Variants in NEDD9 observed in about 807,000 individuals in gnomAD.
NEDD9 encodes enhancer of filamentation 1.
NEDD9 carries 26 observed loss-of-function variants against 76.6 expected under a neutral mutation model. The observed-to-expected ratio is 0.34, with a 90% CI of 0.25 to 0.47. The LOEUF is 0.47. NEDD9 is among the 20% of genes least tolerant of loss of function. The pLI is 1.00. For synonymous variants in NEDD9, 392 were observed against 414.2 expected (o/e 0.95, Z 0.65); for missense variants, 937 against 1,058.5 (o/e 0.89, Z 1.59).
chr6:11,188,153 C>A, intron 6 of NEDD9, 65 bp downstream of exon 6: 1 of 1,208,778 alleles, frequency 8.3e-7, no homozygotes, highest in South Asian at 1.2e-5. Flanking sequence ...GAAGTGATAC[C>A]TTTCCTTAGT....
At chr6:11,289,610 G>A (rs1436605505) in intron 3 of NEDD9, among the ~76,000 whole-genome samples, 1 of 152,058 alleles carries the variant, frequency 6.6e-6, no homozygotes, top group Non-Finnish European at 1.5e-5. Flanking sequence ...CTGCCACCAC[G>A]CCTGGCTAAT....
chr6:11,274,494 G>A lies in NEDD9; in HGVS notation c.12+31498C>T, dbSNP rs148956839. On this transcript the variant is annotated intron_variant, in intron 3 of 3. Coordinates refer to the NEDD9 transcript ENST00000397378. Reference sequence around the variant, plus strand: ...CTAGGTCTATCCTTGCTCTCTGGGAGTATTAATGCTTTCCTTATTTCCCAC... The same window carrying A: ...CTAGGTCTATCCTTGCTCTCTGGGAATATTAATGCTTTCCTTATTTCCCAC... Among the ~76,000 whole-genome samples, 9 of 152,274 alleles carry A rather than the reference G, an allele frequency of 5.9e-5. No homozygotes were observed. In the East Asian group the frequency reaches 1.7e-3, roughly 29 times the overall value.
chr6:11,250,148 G>C (rs1352657839), intron 3 of NEDD9, among the ~76,000 whole-genome samples: 1 of 152,236 alleles, frequency 6.6e-6, no homozygotes, highest in African/African-American at 2.4e-5. Context: ...GAGGGAGAGA[G>C]ACGTTGAGAC....
chr6:11,297,301 G>T (rs1349356233), intron 3 of NEDD9, among the ~76,000 whole-genome samples: 1 of 152,152 alleles, frequency 6.6e-6, no homozygotes, highest in Non-Finnish European at 1.5e-5. Context: ...TGCAGCCAGG[G>T]ACAGCTCTCC....
In NEDD9 at chr6:11,340,910, T is replaced by C. The variant is rs563034164; in HGVS notation, c.-213-6349A>G. Among the ~76,000 whole-genome samples the C allele has an allele frequency of 2.6e-5, 4 of 152,274 alleles. No homozygotes were observed. In the South Asian group the frequency reaches 8.3e-4, roughly 32 times the overall value. The stretch of plus-strand genomic sequence containing the variant: ...GGCCTATGAAGCCAAACAGTGTCTT[T>C]CCCACCACCATGCCTCTCTGACCTA... On this transcript the variant is annotated intron_variant, in intron 1 of 3. Coordinates refer to the NEDD9 transcript ENST00000397378.
chr6:11,350,394 T>G (rs953195649), intron 1 of NEDD9, among the ~76,000 whole-genome samples: 1 of 152,214 alleles, frequency 6.6e-6, no homozygotes, highest in Non-Finnish European at 1.5e-5. Context: ...CAGGCCACCA[T>G]CACCATTACA....
At chr6:11,357,823 T>G (rs2113546878) in intron 1 of NEDD9, among the ~76,000 whole-genome samples, 1 of 152,294 alleles carries the variant, frequency 6.6e-6, no homozygotes, top group South Asian at 2.1e-4. Flanking sequence ...AGTAATCTTT[T>G]CTACGTCAGT....
chr6:11,238,400 G>A (rs17496723), intron 3 of NEDD9, among the ~76,000 whole-genome samples: 40,571 of 152,090 alleles, frequency 0.27, 6,269 homozygotes, highest in Admixed American at 0.39. Flanking sequence ...AATGCACTTC[G>A]TTATCTGAGC....
chr6:11,189,119 G>T (rs1316468994), intron 5 of NEDD9, among the ~76,000 whole-genome samples: 1 of 152,040 alleles, frequency 6.6e-6, no homozygotes. Flanking sequence ...GCTAATTTTC[G>T]TACTTTTAGT....
At chr6:11,301,675 A>G (rs1582009388) in intron 3 of NEDD9, among the ~76,000 whole-genome samples, 1 of 152,196 alleles carries the variant, frequency 6.6e-6, no homozygotes, top group Admixed American at 6.5e-5. Flanking sequence ...CTCCCTGACT[A>G]CAGTGCAATC....
intron 1 of NEDD9, among the ~76,000 whole-genome samples, chr6:11,225,800 C>CTTTTTTTT (rs5874311): frequency 7.4e-6 from 1 of 135,180 alleles, no homozygotes; most frequent in Non-Finnish European, 1.6e-5. Context: ...CGCGCCCGGC[C>CTTTTTTTT]TTTTTTTTTT....
chr6:11,304,915 C>A (rs1239985954), intron 3 of NEDD9, among the ~76,000 whole-genome samples: 1 of 152,092 alleles, frequency 6.6e-6, no homozygotes, highest in Non-Finnish European at 1.5e-5. Flanking sequence ...TGTAACAAAC[C>A]TGCACGTTTT....
At chr6:11,218,538 A>C (rs977066261) in intron 1 of NEDD9, among the ~76,000 whole-genome samples, 1 of 152,116 alleles carries the variant, frequency 6.6e-6, no homozygotes, top group Non-Finnish European at 1.5e-5. Flanking sequence ...CAAGACTGTG[A>C]ACTCCTTAAG....
chr6:11,319,683 CAT>C (rs560411271), intron 2 of NEDD9, among the ~76,000 whole-genome samples: 1,464 of 119,684 alleles, frequency 0.012, 27 homozygotes, highest in African/African-American at 0.044. Flanking sequence ...CATACACAAA[CAT>C]GGACACTCAC....
At chr6:11,278,937 AG>A (rs1262471275) in intron 3 of NEDD9, among the ~76,000 whole-genome samples, 2 of 151,844 alleles carry the variant, frequency 1.3e-5, no homozygotes, top group African/African-American at 2.4e-5. Context: ...AAAAAAAAGC[AG>A]GGGGAAAAAG....
rs150946678 is a variant in NEDD9, at chr6:11,230,573, C to T, written c.12+1931G>A. The stretch of plus-strand genomic sequence containing the variant: ...AATCCTTTCCTGAAGTAAAGTTGTT[C>T]ATTATTAACTAGAGAGAAAGAAAAC... On this transcript the variant is annotated intron_variant, in intron 1 of 6. Transcript: ENST00000379446. Among the ~76,000 whole-genome samples the T allele has an allele frequency of 8.8e-3, 1,346 of 152,236 alleles. 23 individuals carry two copies. Among genetic ancestry groups the T allele is most frequent in the African/African-American group, 0.031 (1,288 of 41,532 alleles).
chr6:11,376,183 C>T (rs147993508), intron 1 of NEDD9, among the ~76,000 whole-genome samples: 36 of 152,230 alleles, frequency 2.4e-4, no homozygotes, highest in African/African-American at 4.6e-4. Context: ...TGATGCAAAA[C>T]GGACTAACAC....
chr6:11,209,975 T>TTTTTTTTGTTTTG (rs1167935311), intron 2 of NEDD9, among the ~76,000 whole-genome samples: 4 of 150,342 alleles, frequency 2.7e-5, no homozygotes, highest in East Asian at 2.0e-4. Context: ...ACTGTCTTTT[T>TTTTTTTTGTTTTG]TTTTTCCTTA....
At chr6:11,226,399 C>T (rs183318794) in intron 1 of NEDD9, among the ~76,000 whole-genome samples, 13 of 152,198 alleles carry the variant, frequency 8.5e-5, no homozygotes, top group African/African-American at 2.4e-4. Context: ...TTTGTCTTGG[C>T]GAGAAGTCCT....
Sources: allele counts gnomAD v4.1 joint callset (sites outside exome capture counted in the v4.1 genomes callset), GRCh38; gene constraint gnomAD v4.1.1; transcripts MANE v1.5; gene names NCBI Gene and HGNC (gene_info 2026-07-23, HGNC 2026-07-21).